PAN3: variants seen among roughly 807,000 people sequenced by gnomAD.
The protein encoded by PAN3 is poly(A) specific ribonuclease subunit PAN3.
PAN3 carries 19 observed loss-of-function variants against 96.2 expected under a neutral mutation model. The observed-to-expected ratio is 0.20, with a 90% confidence interval of 0.14 to 0.29. PAN3 has a LOEUF of 0.29. PAN3 is among the 10% of genes least tolerant of loss of function. The pLI, the probability that PAN3 is intolerant of heterozygous loss-of-function variation, is 1.00. For missense variants in PAN3, 882 were observed against 1,108.1 expected (o/e 0.80, Z 2.90); for synonymous variants, 433 against 406.6 (o/e 1.06, Z -0.78).
At chr13:28,261,144 G>A (rs933781503) in intron 8 of PAN3, among the ~76,000 whole-genome samples, 1 of 152,124 alleles carries the variant, frequency 6.6e-6, no homozygotes, top group African/African-American at 2.4e-5. Context: ...TTAGTCACGT[G>A]TTTTGGGTAG....
chr13:28,274,701 C>T (rs1008206959), intron 14 of PAN3, among the ~76,000 whole-genome samples: 5 of 151,988 alleles, frequency 3.3e-5, no homozygotes, highest in Non-Finnish European at 7.4e-5. Context: ...AATCAGGCAA[C>T]CTTCAATTAA....
At chr13:28,168,082 T>C (rs1873823499) in intron 1 of PAN3, among the ~76,000 whole-genome samples, 1 of 152,164 alleles carries the variant, frequency 6.6e-6, no homozygotes, top group South Asian at 2.1e-4. Flanking sequence ...TTCAGTAATA[T>C]CACATTGTGG....
In PAN3 at chr13:28,294,531, G is replaced by T. The variant is rs1303538337; in HGVS notation, c.*2009G>T. On this transcript the variant is annotated 3_prime_UTR_variant, in exon 19 of 19. Transcript: ENST00000380958. ...AGGGGATCATCTATTTTAGTTTTGG[G>T]GTCTGGGAACTTTTTGAAAATTTAA... 6.6e-6 allele frequency: 1 copy of T among 152,502 alleles called. No homozygotes were observed. The highest frequency in any genetic ancestry group is 1.5e-5 in the Non-Finnish European group (1 of 68,016). 9.4% of individuals were successfully genotyped at this position (152,502 alleles called of 1,614,324 possible). A position where few individuals can be genotyped will look rare whatever the true frequency, so the allele number is the denominator to read the frequency against.
chr13:28,166,969 T>G (rs566180361), intron 1 of PAN3, among the ~76,000 whole-genome samples: 27 of 152,340 alleles, frequency 1.8e-4, no homozygotes, highest in Non-Finnish European at 3.1e-4. Context: ...AGTAGCAGCC[T>G]TGAAGCAATC....
intron 6 of PAN3, among the ~76,000 whole-genome samples, chr13:28,247,807 A>G (rs989558144): frequency 6.6e-6 from 1 of 152,152 alleles, no homozygotes; most frequent in African/African-American, 2.4e-5. Flanking sequence ...TGCAGGTACC[A>G]TACTGTTTCG....
At chr13:28,238,131 T>C (rs1247279730) in intron 6 of PAN3, among the ~76,000 whole-genome samples, 2 of 152,170 alleles carry the variant, frequency 1.3e-5, no homozygotes, top group Non-Finnish European at 2.9e-5. Flanking sequence ...ACCACTGCCA[T>C]AGGTGGCCTG....
chr13:28,173,075 G>A (rs1223925659), intron 1 of PAN3, among the ~76,000 whole-genome samples: 1 of 152,158 alleles, frequency 6.6e-6, no homozygotes, highest in African/African-American at 2.4e-5. Context: ...CATTGATTCA[G>A]CTATACATTG....
intron 5 of PAN3, among the ~76,000 whole-genome samples, chr13:28,206,888 C>A (rs1879440227): frequency 6.6e-6 from 1 of 152,036 alleles, no homozygotes; most frequent in African/African-American, 2.4e-5. Flanking sequence ...TTCCTAGTCA[C>A]ATTTGACTCC....
intron 6 of PAN3, among the ~76,000 whole-genome samples, chr13:28,225,634 C>A (rs892686719): frequency 1.3e-5 from 2 of 152,156 alleles, no homozygotes; most frequent in Non-Finnish European, 2.9e-5. Flanking sequence ...CCAAGGCAGC[C>A]AGCCCAGTGT....
intron 1 of PAN3, among the ~76,000 whole-genome samples, chr13:28,153,889 G>A (rs9554277): frequency 0.12 from 17,623 of 152,112 alleles, 1,179 homozygotes; most frequent in East Asian, 0.33. Context: ...CAAGTAAGCT[G>A]GTTTTAGAAA....
At chr13:28,291,736 C>A (rs1448501936) in intron 18 of PAN3, among the ~76,000 whole-genome samples, 1 of 152,078 alleles carries the variant, frequency 6.6e-6, no homozygotes, top group Non-Finnish European at 1.5e-5. Flanking sequence ...GAGGTTGAGG[C>A]AGGAGAATTG....
intron 4 of PAN3, among the ~76,000 whole-genome samples, chr13:28,189,210 T>C (rs984829748): frequency 2.0e-5 from 3 of 152,066 alleles, no homozygotes; most frequent in African/African-American, 4.8e-5. Context: ...GGGCTACAAA[T>C]AGTGATCTTA....
chr13:28,220,437 C>A, intron 6 of PAN3, 59 bp downstream of exon 6: 1 of 1,526,380 alleles, frequency 6.6e-7, no homozygotes, highest in Non-Finnish European at 8.9e-7. Context: ...GCACCATTTA[C>A]TATTAATTTA....
chr13:28,149,805 T>C (rs1871135575), intron 1 of PAN3, among the ~76,000 whole-genome samples: 1 of 152,128 alleles, frequency 6.6e-6, no homozygotes. Context: ...TTTGTAGAGA[T>C]AGGGTCTTGC....
At chr13:28,139,790 G>GT (rs1174006335) in intron 1 of PAN3, among the ~76,000 whole-genome samples, 1 of 152,076 alleles carries the variant, frequency 6.6e-6, no homozygotes, top group Non-Finnish European at 1.5e-5. Flanking sequence ...AAGTTTGCTG[G>GT]TGTCAGCTGG....
intron 6 of PAN3, among the ~76,000 whole-genome samples, chr13:28,243,382 G>A (rs1356658661): frequency 6.6e-6 from 1 of 152,076 alleles, no homozygotes; most frequent in African/African-American, 2.4e-5. Flanking sequence ...ACTTTTATGG[G>A]CCAAAAACAT....
At chr13:28,148,495 C>A (rs984847613) in intron 1 of PAN3, among the ~76,000 whole-genome samples, 1 of 152,048 alleles carries the variant, frequency 6.6e-6, no homozygotes, top group Non-Finnish European at 1.5e-5. Context: ...AAAATAAGAA[C>A]AATATCTTGT....
At chr13:28,233,598 G>A (rs1422936070) in intron 6 of PAN3, among the ~76,000 whole-genome samples, 1 of 152,218 alleles carries the variant, frequency 6.6e-6, no homozygotes, top group East Asian at 1.9e-4. Context: ...TAGAATTGTG[G>A]CTTATTTTGT....
chr13:28,250,223 ATC>A (rs903059638), intron 6 of PAN3, among the ~76,000 whole-genome samples: 6 of 149,532 alleles, frequency 4.0e-5, no homozygotes, highest in African/African-American at 1.5e-4. Flanking sequence ...TTTAAACAGC[ATC>A]TCTCTGTCAC....
Sources: allele counts gnomAD v4.1 joint callset (sites outside exome capture counted in the v4.1 genomes callset), GRCh38; gene constraint gnomAD v4.1.1; transcripts MANE v1.5; gene names NCBI Gene and HGNC (gene_info 2026-07-23, HGNC 2026-07-21).